Variants in SPATA17 observed in about 807,000 individuals in gnomAD.
SPATA17 encodes the protein spermatogenesis associated 17, also known as spermatogenesis-associated protein 17.
SPATA17 carries 53 observed loss-of-function variants against 62.2 expected under a neutral mutation model. That is an observed-to-expected ratio of 0.85 (90% confidence interval 0.68 to 1.07). The LOEUF (loss-of-function observed/expected upper bound fraction) is 1.07, where lower values mean the gene tolerates loss of function less well. Ranked by LOEUF, SPATA17 falls within the 50% of genes least tolerant of loss-of-function variation. The pLI is 0.00. For missense variants in SPATA17, 466 were observed against 425.5 expected (o/e 1.10, Z -0.84); for synonymous variants, 146 against 146.8 (o/e 0.99, Z 0.04).
rs1356543560 is a variant in SPATA17 at position 217,868,454 on chromosome 1, T to C, written c.*1435T>C. The C allele has an allele frequency of 6.6e-6, 1 of 152,144 alleles. No homozygotes were observed. The highest frequency in any genetic ancestry group is 1.5e-5 in the Non-Finnish European group (1 of 68,022). 9.4% of individuals were successfully genotyped at this position (152,144 alleles called of 1,614,324 possible). ...CAGCTAACTTACCAGACAGCTTAGC[T>C]TAGCCTCACCTACCTTAAATATGCT... On this transcript the variant is annotated 3_prime_UTR_variant, in exon 11 of 11. Coordinates refer to ENST00000366933, the MANE Select transcript of SPATA17 (RefSeq NM_138796.4).
chr1:217,801,850 G>A lies in SPATA17; in HGVS notation c.1005G>A (p.Lys335=), dbSNP rs931684801. 1.9e-6 allele frequency: 3 copies of A among 1,597,932 alleles called. No individual in the cohort carries two copies. In the African/African-American group the frequency reaches 4.1e-5, roughly 22 times the overall value. The change falls in exon 9 of 11, where the codon AAG becomes AAA. Residue 335 remains lysine (K), a splice_region_variant and synonymous_variant. Transcript: ENST00000366933. ...ATCCTAAGAAATGGATCTGTGACAA[G>A]GTGAGTTAACAAAACATTTTAAAAA... ...SENPKKWICD[K]DFQTVLPSFE...
intron 9 of SPATA17, chr1:217,850,644 T>C: frequency 1.9e-6 from 3 of 1,576,624 alleles, no homozygotes; most frequent in Non-Finnish European, 2.6e-6. Context: ...TTTGACCTGT[T>C]AGCAGATACG....
At chr1:217,678,100 T>TA (rs1035520800) in intron 4 of SPATA17, among the ~76,000 whole-genome samples, 1 of 152,204 alleles carries the variant, frequency 6.6e-6, no homozygotes, top group African/African-American at 2.4e-5. Flanking sequence ...TAATTATGAA[T>TA]AACTGAGTTC....
At chr1:217,690,202 C>T (rs1370955698) in intron 5 of SPATA17, among the ~76,000 whole-genome samples, 1 of 152,080 alleles carries the variant, frequency 6.6e-6, no homozygotes, top group Non-Finnish European at 1.5e-5. Context: ...CGGGCCCAGC[C>T]TTTACTTTAG....
chr1:217,781,071 C>T (rs1181971794), intron 7 of SPATA17: 7 of 152,072 alleles, frequency 4.6e-5, no homozygotes, highest in Non-Finnish European at 1.0e-4. Flanking sequence ...TAGCAATCCT[C>T]CTGTCCAGCT....
At chr1:217,790,939 AC>A (rs1673983015) in intron 8 of SPATA17, among the ~76,000 whole-genome samples, 1 of 152,134 alleles carries the variant, frequency 6.6e-6, no homozygotes, top group African/African-American at 2.4e-5. Context: ...ATATCTCAAA[AC>A]TTTTTTGACT....
chr1:217,784,940 GC>G (rs1452947179), intron 8 of SPATA17: 1 of 152,094 alleles, frequency 6.6e-6, no homozygotes, highest in Non-Finnish European at 1.5e-5. Context: ...CAAACGGATG[GC>G]TTAAAAACAT....
chr1:217,724,697 T>C (rs1672221907), intron 5 of SPATA17, among the ~76,000 whole-genome samples: 1 of 152,204 alleles, frequency 6.6e-6, no homozygotes, highest in Non-Finnish European at 1.5e-5. Context: ...TTTATACTTT[T>C]GTTAATAATT....
intron 5 of SPATA17, among the ~76,000 whole-genome samples, chr1:217,703,565 A>AT (rs1174563722): frequency 1.3e-5 from 2 of 152,086 alleles, no homozygotes; most frequent in East Asian, 3.9e-4. Flanking sequence ...GTATCTTTAC[A>AT]TTTTTTTCTT....
At chr1:217,705,201 T>C (rs1479003883) in intron 5 of SPATA17, among the ~76,000 whole-genome samples, 1 of 152,154 alleles carries the variant, frequency 6.6e-6, no homozygotes, top group Non-Finnish European at 1.5e-5. Flanking sequence ...ATGAATATCT[T>C]CTTTTGATAA....
chr1:217,724,009 C>T (rs931860693), intron 5 of SPATA17, among the ~76,000 whole-genome samples: 2 of 152,190 alleles, frequency 1.3e-5, no homozygotes, highest in African/African-American at 4.8e-5. Flanking sequence ...AGCTGTTATA[C>T]ATTCCTCCAC....
intron 9 of SPATA17, among the ~76,000 whole-genome samples, chr1:217,808,769 C>T (rs539931670): frequency 2.2e-4 from 33 of 151,696 alleles, no homozygotes; most frequent in African/African-American, 7.3e-4. Flanking sequence ...GCAGGAGAAT[C>T]GCTTGAACCT....
At chr1:217,649,501 A>G (rs188356540) in intron 2 of SPATA17, among the ~76,000 whole-genome samples, 1 of 152,244 alleles carries the variant, frequency 6.6e-6, no homozygotes, top group Admixed American at 6.5e-5. Flanking sequence ...TAAAATTCTC[A>G]ATATTACAAA....
intron 9 of SPATA17, among the ~76,000 whole-genome samples, chr1:217,859,949 T>A (rs1463823040): frequency 6.6e-6 from 1 of 152,106 alleles, no homozygotes; most frequent in Non-Finnish European, 1.5e-5. Flanking sequence ...TACTTTGTAA[T>A]TAATTTGCTC....
chr1:217,836,457 G>C (rs4561097), intron 9 of SPATA17, among the ~76,000 whole-genome samples: 152,066 of 152,270 alleles, frequency 1, 75,933 homozygotes, highest in East Asian at 1. Context: ...GTTGTTTGCT[G>C]TCAGATACAT....
intron 9 of SPATA17, among the ~76,000 whole-genome samples, chr1:217,816,393 T>C (rs933974771): frequency 6.6e-6 from 1 of 151,724 alleles, no homozygotes; most frequent in Non-Finnish European, 1.5e-5. Flanking sequence ...AATGGTTGCT[T>C]TATGAATTTT....
intron 7 of SPATA17, 40 bp from the exon 8 acceptor site, chr1:217,782,134 A>C (rs1293627507): frequency 6.6e-7 from 1 of 1,524,228 alleles, no homozygotes; most frequent in Non-Finnish European, 8.8e-7. Flanking sequence ...CCTCAAAAAA[A>C]TCTTCCATAT....
rs1175674829 is a variant in SPATA17 at position 217,850,272 on chromosome 1, A to G, written c.1006-12502A>G. The G allele has an allele frequency of 5.9e-5, 21 of 355,144 alleles. No individual in the cohort carries two copies. The South Asian group carries it at 9.7e-4, about 16-fold the overall frequency. 22.0% of individuals were successfully genotyped at this position (355,144 alleles called of 1,614,324 possible). ...TTTCTTTAATGCTACCATGCAACAA[A>G]ACCTTTATTAACATTTTGAACAGGT... is the stretch of plus-strand genomic sequence containing the variant. On this transcript the variant is annotated intron_variant, in intron 9 of 10. Transcript: ENST00000366933.
intron 5 of SPATA17, among the ~76,000 whole-genome samples, chr1:217,701,045 G>C (rs993022889): frequency 6.6e-6 from 1 of 152,012 alleles, no homozygotes; most frequent in African/African-American, 2.4e-5. Flanking sequence ...TGTGATCTCA[G>C]CTTATTACAA....
Sources: allele counts gnomAD v4.1 joint callset (sites outside exome capture counted in the v4.1 genomes callset), GRCh38; gene constraint gnomAD v4.1.1; transcripts MANE v1.5; gene names NCBI Gene and HGNC (gene_info 2026-07-23, HGNC 2026-07-21).